HPSE2: variants seen among roughly 807,000 people sequenced by gnomAD.
HPSE2 encodes heparanase 2 (inactive).
A neutral mutation model predicts 60.5 loss-of-function variants in HPSE2; 38 were observed. The observed-to-expected ratio is 0.63, with a 90% CI of 0.48 to 0.82. The LOEUF is 0.82. HPSE2 is among the 40% of genes least tolerant of loss of function. HPSE2 has a pLI of 0.00. For synonymous variants in HPSE2, 295 were observed against 293.2 expected, an observed-to-expected ratio of 1.01 and a Z score of -0.06; for missense variants, 713 against 740.4, an observed-to-expected ratio of 0.96 and a Z score of 0.43.
At chr10:99,298,405 A>T in the HPSE2 span, among the ~76,000 whole-genome samples, 1 of 152,170 alleles carries the variant, frequency 6.6e-6, no homozygotes, top group African/African-American at 2.4e-5. Context: ...CCTTGTAGTG[A>T]CCCTTACTAG....
At chr10:98,643,870 A>G (rs1946700283) in intron 6 of HPSE2, among the ~76,000 whole-genome samples, 1 of 152,272 alleles carries the variant, frequency 6.6e-6, no homozygotes, top group Non-Finnish European at 1.5e-5. Flanking sequence ...TTGACAAGTA[A>G]TGCATTGTAA....
At chr10:98,990,711 T>C (rs1452097932) in intron 3 of HPSE2, among the ~76,000 whole-genome samples, 3 of 152,202 alleles carry the variant, frequency 2.0e-5, no homozygotes, top group Admixed American at 2.0e-4. Flanking sequence ...TGTTCATCTA[T>C]ATTCCAAAAT....
chr10:98,921,331 C>T (rs969092145), intron 3 of HPSE2, among the ~76,000 whole-genome samples: 2 of 152,108 alleles, frequency 1.3e-5, no homozygotes, highest in Non-Finnish European at 2.9e-5. Flanking sequence ...ACTGAAGAAA[C>T]CAGTGGCCAT....
chr10:98,527,503 GCTC>G (rs1943005590), intron 9 of HPSE2, among the ~76,000 whole-genome samples: 1 of 152,030 alleles, frequency 6.6e-6, no homozygotes, highest in Admixed American at 6.6e-5. Context: ...GCTTCCTCTA[GCTC>G]CTCAAGAGCC....
chr10:98,597,967 T>A (rs536858973), intron 9 of HPSE2, among the ~76,000 whole-genome samples: 2 of 83,634 alleles, frequency 2.4e-5, no homozygotes, highest in African/African-American at 6.4e-5. Flanking sequence ...TGAGACTCCA[T>A]CTCAAAAAAA....
At chr10:98,677,840 C>G (rs1188514680) in intron 6 of HPSE2, among the ~76,000 whole-genome samples, 2 of 152,132 alleles carry the variant, frequency 1.3e-5, no homozygotes, top group Non-Finnish European at 2.9e-5. Flanking sequence ...TTTTGCTTAA[C>G]AAGTCATTCT....
At chr10:99,309,007 T>C in the HPSE2 span, among the ~76,000 whole-genome samples, 5 of 152,316 alleles carry the variant, frequency 3.3e-5, no homozygotes, top group Middle Eastern at 3.4e-3. Flanking sequence ...TAAAATTAAA[T>C]GAGTGCTGGC....
intron 2 of HPSE2, among the ~76,000 whole-genome samples, chr10:99,149,934 C>A (rs559081988): frequency 1.5e-4 from 22 of 151,576 alleles, no homozygotes; most frequent in African/African-American, 5.3e-4. Context: ...CCTCTTCATT[C>A]CCCCTGCTAG....
chr10:98,601,073 C>A (rs1945412753), intron 9 of HPSE2, among the ~76,000 whole-genome samples: 1 of 150,950 alleles, frequency 6.6e-6, no homozygotes, highest in Non-Finnish European at 1.5e-5. Flanking sequence ...GGGTGGAGAC[C>A]CAGGGAAGAG....
chr10:99,264,413 T>C, the HPSE2 span, among the ~76,000 whole-genome samples: 1 of 152,154 alleles, frequency 6.6e-6, no homozygotes, highest in Non-Finnish European at 1.5e-5. Flanking sequence ...AATCCATCTT[T>C]AACGAACAAT....
At chr10:99,106,618 AAATAATAAT>A (rs138669245) in intron 3 of HPSE2, among the ~76,000 whole-genome samples, 1 of 151,360 alleles carries the variant, frequency 6.6e-6, no homozygotes, top group East Asian at 1.9e-4. Flanking sequence ...TTGTATCTAA[AAATAATAAT>A]AATAATAATA....
intron 9 of HPSE2, among the ~76,000 whole-genome samples, chr10:98,607,803 T>A (rs1945635839): frequency 6.6e-6 from 1 of 152,208 alleles, no homozygotes; most frequent in Non-Finnish European, 1.5e-5. Context: ...CAACTACATA[T>A]CAAATGTATA....
intron 9 of HPSE2, among the ~76,000 whole-genome samples, chr10:98,539,221 T>C (rs567896714): frequency 1.3e-3 from 191 of 152,298 alleles, no homozygotes; most frequent in African/African-American, 4.3e-3. Flanking sequence ...ACACTTACCC[T>C]TCCTTAAAAA....
intron 4 of HPSE2, among the ~76,000 whole-genome samples, chr10:98,735,802 C>G (rs1386438679): frequency 6.6e-6 from 1 of 152,198 alleles, no homozygotes; most frequent in Non-Finnish European, 1.5e-5. Context: ...TGTATTTATC[C>G]AATGCCTGTT....
At chr10:98,536,025 A>G (rs1465234775) in intron 9 of HPSE2, among the ~76,000 whole-genome samples, 2 of 152,204 alleles carry the variant, frequency 1.3e-5, no homozygotes, top group East Asian at 3.9e-4. Flanking sequence ...TTAACCTCAC[A>G]GCCCCCTCTT....
At chr10:98,702,264 T>C (rs1269232130) in intron 5 of HPSE2, among the ~76,000 whole-genome samples, 1 of 152,050 alleles carries the variant, frequency 6.6e-6, no homozygotes, top group African/African-American at 2.4e-5. Context: ...GAGCCAACTA[T>C]CCTAAATATA....
chr10:98,996,653 A>G (rs1364964955), intron 3 of HPSE2, among the ~76,000 whole-genome samples: 1 of 152,228 alleles, frequency 6.6e-6, no homozygotes, highest in Non-Finnish European at 1.5e-5. Flanking sequence ...ACTGCGGTAT[A>G]TTCATTTAAT....
intron 6 of HPSE2, among the ~76,000 whole-genome samples, chr10:98,655,482 G>A (rs1947036007): frequency 6.6e-6 from 1 of 151,962 alleles, no homozygotes; most frequent in Non-Finnish European, 1.5e-5. Flanking sequence ...GGTGGTAACT[G>A]TGGATTCACC....
chr10:99,101,936 T>TGA (rs1385753463), intron 3 of HPSE2, among the ~76,000 whole-genome samples: 2 of 152,072 alleles, frequency 1.3e-5, no homozygotes, highest in Non-Finnish European at 1.5e-5. Context: ...TTGAAACCAA[T>TGA]GAGAACAAAG....
Sources: gnomAD v4.1 joint callset for allele counts (sites outside exome capture counted in the v4.1 genomes callset) on GRCh38, gnomAD v4.1.1 for gene constraint, MANE v1.5 for transcripts, NCBI Gene and HGNC (gene_info 2026-07-23, HGNC 2026-07-21) for gene names.